Variants in KREMEN1 observed in about 807,000 individuals in gnomAD.
KREMEN1 encodes the protein kringle containing transmembrane protein 1, also known as kremen protein 1.
Under a neutral mutation model 46.5 loss-of-function variants are expected in KREMEN1, and 30 were observed. That is an observed-to-expected ratio of 0.65 (90% CI 0.48 to 0.88). KREMEN1 has a LOEUF of 0.88. Ranked by LOEUF, KREMEN1 falls within the 40% of genes least tolerant of loss-of-function variation. The pLI is 0.00. For synonymous variants in KREMEN1, 214 were observed against 230.6 expected (o/e 0.93, Z 0.65); for missense variants, 533 against 596.9 (o/e 0.89, Z 1.11).
At chr22:29,093,537 G>A (rs1382329611) in intron 1 of KREMEN1, among the ~76,000 whole-genome samples, 1 of 152,176 alleles carries the variant, frequency 6.6e-6, no homozygotes, top group East Asian at 1.9e-4. Context: ...GCACCTGTGA[G>A]GATTTGTCAT....
Position 29,143,538 on chromosome 22 carries a change from C to G in KREMEN1, c.*1426C>G. On this transcript the variant is annotated 3_prime_UTR_variant, in exon 9 of 9. Coordinates refer to ENST00000400335, the MANE Select transcript of KREMEN1 (RefSeq NM_001039570.3). ...CGGGTGGATCACGAGGTCAGGTGATCGAAACCATCCTGGCTAAGATGGTGA... is the reference window on the plus strand; with the variant it reads ...CGGGTGGATCACGAGGTCAGGTGATGGAAACCATCCTGGCTAAGATGGTGA... 1.2e-6 allele frequency: 1 copy of G among 857,796 alleles called. No individual in the cohort carries two copies. The highest frequency in any genetic ancestry group is 1.4e-6 in the Non-Finnish European group (1 of 713,900). 53.1% of individuals were successfully genotyped at this position (857,796 alleles called of 1,614,324 possible).
At chr22:29,163,231 C>T (rs1601826830) in intron 9 of KREMEN1, among the ~76,000 whole-genome samples, 1 of 152,158 alleles carries the variant, frequency 6.6e-6, no homozygotes, top group African/African-American at 2.4e-5. Flanking sequence ...TCACGCTCTC[C>T]TGCCATCTCT....
At chr22:29,076,568 A>G (rs1186838611) in intron 1 of KREMEN1, among the ~76,000 whole-genome samples, 1 of 152,174 alleles carries the variant, frequency 6.6e-6, no homozygotes, top group East Asian at 1.9e-4. Context: ...TAAATCTTTG[A>G]GGCCGGGCGC....
chr22:29,121,605 T>G, intron 4 of KREMEN1, 124 bp downstream of exon 4: 1 of 1,073,680 alleles, frequency 9.3e-7, no homozygotes, highest in Non-Finnish European at 1.4e-6. Flanking sequence ...TATTGTATGA[T>G]TCCACTTACA....
chr22:29,163,102 T>C (rs977660983), intron 9 of KREMEN1, among the ~76,000 whole-genome samples: 1 of 152,018 alleles, frequency 6.6e-6, no homozygotes, highest in African/African-American at 2.4e-5. Context: ...AATCCCCACG[T>C]GTTGAGGGAG....
rs2037521352 is a variant in KREMEN1 at position 29,073,934 on chromosome 22, C to G, written c.97+707C>G. On this transcript the variant is annotated intron_variant, in intron 1 of 8. Transcript: ENST00000400335. The surrounding 1 kb of genome is among the most constrained non-coding windows in gnomAD (Gnocchi z 4.4). ...GCTATACGCCCCTCTCCGAGACCTC[C>G]AGCGACATCCCTCCCCTGGGCCAAG... Among the ~76,000 whole-genome samples the G allele has an allele frequency of 6.6e-6, 1 of 152,166 alleles. No homozygotes were observed. Among genetic ancestry groups the G allele is most frequent in the Admixed American group, 6.5e-5 (1 of 15,282 alleles).
downstream of KREMEN1, among the ~76,000 whole-genome samples, chr22:29,147,306 C>T (rs1346716576): frequency 6.6e-6 from 1 of 152,238 alleles, no homozygotes; most frequent in Non-Finnish European, 1.5e-5. Flanking sequence ...TCTCCACCCC[C>T]TTCTTGCCCC....
chr22:29,091,349 C>T (rs1296932579), intron 1 of KREMEN1, among the ~76,000 whole-genome samples: 1 of 152,160 alleles, frequency 6.6e-6, no homozygotes, highest in Non-Finnish European at 1.5e-5. Context: ...AGGAACCCCA[C>T]CTGTCCTGCA....
chr22:29,162,435 G>A (rs1022625829), intron 9 of KREMEN1, among the ~76,000 whole-genome samples: 4 of 152,076 alleles, frequency 2.6e-5, no homozygotes, highest in African/African-American at 4.8e-5. Flanking sequence ...AAGCAATGCC[G>A]GCCGGGCACA....
Position 29,117,436 on chromosome 22 carries a change from G to A in KREMEN1, c.353-3921G>A, listed in dbSNP as rs372269559. Among the ~76,000 whole-genome samples the A allele has an allele frequency of 2.9e-4, 44 of 152,140 alleles. No homozygotes were observed. The East Asian group carries it at 7.6e-3, about 26-fold the overall frequency. ...CAAAAAATTAGCCGGGCGTGGTGGC[G>A]GGCGCCTATAGTCCCAGCTACTTGG... On this transcript the variant is annotated intron_variant, in intron 3 of 8. Coordinates refer to ENST00000400335, the MANE Select transcript of KREMEN1 (RefSeq NM_001039570.3).
At chr22:29,166,560 T>A (rs1468507273) in intron 9 of KREMEN1, among the ~76,000 whole-genome samples, 1 of 152,124 alleles carries the variant, frequency 6.6e-6, no homozygotes, top group Non-Finnish European at 1.5e-5. Flanking sequence ...ACCTTTAGAG[T>A]ATGTTACAAC....
At chr22:29,081,369 A>G (rs1421472499) in intron 1 of KREMEN1, among the ~76,000 whole-genome samples, 1 of 152,222 alleles carries the variant, frequency 6.6e-6, no homozygotes, top group Non-Finnish European at 1.5e-5. Flanking sequence ...ATGCCCAATT[A>G]AGTTTGAGAT....
chr22:29,073,294 C>A lies in KREMEN1; in HGVS notation c.97+67C>A. On this transcript the variant is annotated intron_variant, in intron 1 of 8. Transcript: ENST00000400335. The surrounding 1 kb of genome is among the most constrained non-coding windows in gnomAD (Gnocchi z 4.4). ...CCACTCGAGGGGCGACAAGGGCCGGCCGGCCTGAGAGCCCCCTCCCTCCCG... is the reference window on the plus strand; with the variant it reads ...CCACTCGAGGGGCGACAAGGGCCGGACGGCCTGAGAGCCCCCTCCCTCCCG... 1.5e-6 allele frequency: 1 copy of A among 666,868 alleles called. No homozygotes were observed. Among genetic ancestry groups the A allele is most frequent in the Non-Finnish European group, 2.0e-6 (1 of 499,726 alleles). The allele number at this position is 666,868 out of a possible 1,614,324, so 41.3% of individuals were successfully genotyped here.
chr22:29,158,091 T>C (rs890160292), intron 9 of KREMEN1, among the ~76,000 whole-genome samples: 1 of 152,186 alleles, frequency 6.6e-6, no homozygotes, highest in Non-Finnish European at 1.5e-5. Context: ...CTCGTAGTCA[T>C]GTCAGGGCCC....
chr22:29,085,954 G>C (rs2037721469), intron 1 of KREMEN1, among the ~76,000 whole-genome samples: 1 of 133,726 alleles, frequency 7.5e-6, no homozygotes, highest in Non-Finnish European at 1.6e-5. Context: ...CTGTGTGACA[G>C]AGCAATACCC....
intron 5 of KREMEN1, among the ~76,000 whole-genome samples, chr22:29,135,160 A>G (rs891783950): frequency 2.6e-5 from 4 of 152,182 alleles, no homozygotes; most frequent in Non-Finnish European, 4.4e-5. Flanking sequence ...TCTGCTTTGC[A>G]TCGGCTGCAG....
Position 29,073,242 on chromosome 22 carries a change from C to T in KREMEN1, c.97+15C>T, listed in dbSNP as rs908793379. 15 of 1,085,432 alleles carry T rather than the reference C, an allele frequency of 1.4e-5. No individual in the cohort carries two copies. Among genetic ancestry groups the T allele is most frequent in the African/African-American group, 8.3e-5 (5 of 60,154 alleles). 67.2% of individuals were successfully genotyped at this position (1,085,432 alleles called of 1,614,324 possible). On this transcript the variant is annotated intron_variant, in intron 1 of 8. Transcript: ENST00000400335. This position sits in a 1 kb window ranked among gnomAD's most constrained non-coding sequence, Gnocchi z 4.4. Reference sequence around the variant, plus strand: ...CCCCGGACCCGGTGAGTGTGAGCGACCCCCCGCCGCCCGCCCTGAGCGGAG... The same window carrying T: ...CCCCGGACCCGGTGAGTGTGAGCGATCCCCCGCCGCCCGCCCTGAGCGGAG...
intron 2 of KREMEN1, among the ~76,000 whole-genome samples, chr22:29,095,276 C>T (rs76148253): frequency 0.041 from 6,169 of 152,298 alleles, 184 homozygotes; most frequent in Non-Finnish European, 0.063. Context: ...TCCCGTCTGA[C>T]TCTAGCAGGG....
intron 5 of KREMEN1, among the ~76,000 whole-genome samples, chr22:29,137,026 C>T (rs1317485265): frequency 6.6e-6 from 1 of 152,130 alleles, no homozygotes; most frequent in South Asian, 2.1e-4. Flanking sequence ...GCAAGAGGCC[C>T]GCGAGTGAAG....
Sources: allele counts gnomAD v4.1 joint callset (sites outside exome capture counted in the v4.1 genomes callset), GRCh38; gene constraint gnomAD v4.1.1; non-coding constraint Gnocchi (gnomAD v3.1); transcripts MANE v1.5; gene names NCBI Gene and HGNC (gene_info 2026-07-23, HGNC 2026-07-21).